CYREN: variants seen among roughly 807,000 people sequenced by gnomAD.
The protein encoded by CYREN is cell cycle regulator of non-homologous end joining.
In CYREN, 7 loss-of-function variants were observed where a neutral mutation model predicts 9.7. The observed-to-expected ratio is 0.72, with a 90% CI of 0.41 to 1.36. The LOEUF (loss-of-function observed/expected upper bound fraction) is 1.36, where lower values mean the gene tolerates loss of function less well. Ranked by LOEUF, CYREN falls within the 40% of genes most tolerant of loss-of-function variation. The pLI is 0.01. For missense variants in CYREN, 215 were observed against 198.1 expected (o/e 1.09, Z -0.51); for synonymous variants, 76 against 77.9 (o/e 0.98, Z 0.13).
intron 2 of CYREN, among the ~76,000 whole-genome samples, chr7:135,141,376 A>T (rs1829450134): frequency 6.6e-6 from 1 of 151,828 alleles, no homozygotes; most frequent in East Asian, 1.9e-4. Flanking sequence ...AGGGTTTCTT[A>T]TACTTTTGTG....
At chr7:135,127,920 C>A (rs1311887870) in intron 2 of CYREN, among the ~76,000 whole-genome samples, 1 of 152,106 alleles carries the variant, frequency 6.6e-6, no homozygotes, top group East Asian at 1.9e-4. Flanking sequence ...GACATGGAAC[C>A]AACCCAAATA....
rs1387474004 is a variant in CYREN at position 135,167,044 on chromosome 7, GACCCCC to G, written c.214-179_214-174del. 68 of 985,026 alleles carry G rather than the reference GACCCCC, an allele frequency of 6.9e-5. No homozygotes were observed. In the African/African-American group the frequency reaches 1.2e-3, roughly 17 times the overall value. 61.0% of individuals were successfully genotyped at this position (985,026 alleles called of 1,614,324 possible). Reference sequence around the variant, plus strand: ...CTCTCTTCACCCCACTCCTTCCCCTGACCCCCTCTTCACAGCTCTTGAAGAAACCAG... The same window carrying G: ...CTCTCTTCACCCCACTCCTTCCCCTGTCTTCACAGCTCTTGAAGAAACCAG... On this transcript the variant is annotated intron_variant, in intron 3 of 3. Transcript: ENST00000393114.
intron 2 of CYREN, among the ~76,000 whole-genome samples, chr7:135,141,946 A>C (rs1390313068): frequency 6.6e-6 from 1 of 152,054 alleles, no homozygotes; most frequent in Non-Finnish European, 1.5e-5. Context: ...TTAATTTCTG[A>C]GAATTGCTTT....
chr7:135,153,675 A>G (rs1221793764), intron 2 of CYREN, among the ~76,000 whole-genome samples: 3 of 152,226 alleles, frequency 2.0e-5, no homozygotes, highest in Non-Finnish European at 2.9e-5. Flanking sequence ...CCATCCTTGC[A>G]TCCCTGCAAT....
In CYREN at chr7:135,096,606, T is replaced by TAGATAGATAGAC. The variant is rs1822844834; in HGVS notation, n.357-2025_357-2024insGTCTATCTATCT. On this transcript the variant is annotated intron_variant and non_coding_transcript_variant, in intron 2 of 2. Transcript: ENST00000459937. ...ATACATAGATAGATAGATAGATAGA[T>TAGATAGATAGAC]AGATAGATAGATAGATAGGGCTATT... Among the ~76,000 whole-genome samples, 10 of 134,516 alleles carry TAGATAGATAGAC rather than the reference T, an allele frequency of 7.4e-5. No homozygotes were observed. The East Asian group carries it at 1.8e-3, about 25-fold the overall frequency. 88.2% of individuals were successfully genotyped at this position (134,516 alleles called of 152,430 possible).
chr7:135,108,171 G>A (rs1770969474), intron 2 of CYREN, among the ~76,000 whole-genome samples: 1 of 152,138 alleles, frequency 6.6e-6, no homozygotes, highest in East Asian at 1.9e-4. Context: ...TTTCCAGCTT[G>A]CCACTCTGTA....
chr7:135,168,009 C>T, intron 2 of CYREN: 1 of 868,346 alleles, frequency 1.2e-6, no homozygotes, highest in Non-Finnish European at 1.7e-6. Flanking sequence ...TTCATGGAGG[C>T]AACACCGGGG....
At chr7:135,128,473 G>T in intron 2 of CYREN, 1 of 750,654 alleles carries the variant, frequency 1.3e-6, no homozygotes, top group South Asian at 1.4e-5. Context: ...TCAAGAGGAT[G>T]AATTGCTGGC....
chr7:135,138,935 T>C (rs753290721), intron 2 of CYREN, among the ~76,000 whole-genome samples: 3 of 152,096 alleles, frequency 2.0e-5, no homozygotes, highest in Non-Finnish European at 4.4e-5. Context: ...CATTCTTTTA[T>C]ATGGCTGCAT....
intron 2 of CYREN, among the ~76,000 whole-genome samples, chr7:135,140,298 G>A (rs560285116): frequency 1.3e-5 from 2 of 151,930 alleles, no homozygotes; most frequent in East Asian, 1.9e-4. Flanking sequence ...AGTTGTATTC[G>A]TAGGTATTTT....
At chr7:135,134,848 C>A in intron 2 of CYREN, 1 of 1,549,332 alleles carries the variant, frequency 6.5e-7, no homozygotes, top group Non-Finnish European at 8.7e-7. Context: ...TAGACTAAAT[C>A]CGGCTACTTG....
At chr7:135,140,378 T>C (rs1230345208) in intron 2 of CYREN, among the ~76,000 whole-genome samples, 1 of 151,526 alleles carries the variant, frequency 6.6e-6, no homozygotes, top group East Asian at 1.9e-4. Flanking sequence ...ATTATTGGTG[T>C]ATAAGAATGC....
chr7:135,136,232 C>T (rs1050823776), intron 2 of CYREN, among the ~76,000 whole-genome samples: 3 of 152,056 alleles, frequency 2.0e-5, no homozygotes, highest in Admixed American at 6.6e-5. Flanking sequence ...AAAATACAGG[C>T]CACAGCCTAA....
At chr7:135,122,046 G>A (rs4732099) in intron 2 of CYREN, among the ~76,000 whole-genome samples, 73,769 of 152,064 alleles carry the variant, frequency 0.49, 18,266 homozygotes, top group South Asian at 0.66. Context: ...CAGCACCACA[G>A]CTGTGTCTGC....
downstream of CYREN, chr7:135,164,976 GA>G: frequency 6.2e-7 from 1 of 1,602,342 alleles, no homozygotes; most frequent in Non-Finnish European, 8.5e-7. Context: ...TGAGAGGGCT[GA>G]GAGCAAGCTT....
intron 2 of CYREN, among the ~76,000 whole-genome samples, chr7:135,158,843 G>A (rs769054173): frequency 8.5e-5 from 13 of 152,208 alleles, no homozygotes; most frequent in Non-Finnish European, 1.5e-4. Context: ...CAAGAGCCAT[G>A]TCTGTAGAGT....
At chr7:135,144,938 T>TACAAAAAAAAAA (rs1829517547) in intron 2 of CYREN, among the ~76,000 whole-genome samples, 1 of 45,618 alleles carries the variant, frequency 2.2e-5, no homozygotes, top group Non-Finnish European at 3.7e-5. Flanking sequence ...CTCAAAAGAG[T>TACAAAAAAAAAA]AAAAAAAAAA....
downstream of CYREN, chr7:135,164,516 C>A: frequency 6.2e-7 from 1 of 1,613,666 alleles, no homozygotes; most frequent in Non-Finnish European, 8.5e-7. Context: ...TTGTGGTCAT[C>A]TGCCTGATGT....
At chr7:135,164,736 C>A (rs148014348), downstream of CYREN, 710 of 1,614,232 alleles carry the variant, frequency 4.4e-4, 1 homozygote, top group Non-Finnish European at 5.4e-4. Context: ...CTTTGCCCCC[C>A]AGCCTCTCCT....
Sources: allele counts gnomAD v4.1 joint callset (sites outside exome capture counted in the v4.1 genomes callset), GRCh38; gene constraint gnomAD v4.1.1; transcripts MANE v1.5; gene names NCBI Gene and HGNC (gene_info 2026-07-23, HGNC 2026-07-21).